WWOX: variants seen among roughly 807,000 people sequenced by gnomAD.
The protein encoded by WWOX is WW domain-containing oxidoreductase.
In WWOX, 69 loss-of-function variants were observed where a neutral mutation model predicts 46.2. The ratio of observed to expected loss-of-function variants is 1.49; its 90% CI spans 1.23 to 1.82. The LOEUF is 1.82. WWOX is among the 40% of genes most tolerant of loss of function. The pLI, the probability that WWOX is intolerant of heterozygous loss-of-function variation, is 0.00. For synonymous variants in WWOX, 359 were observed against 202.6 expected (o/e 1.77, Z -6.56); for missense variants, 919 against 542.6 (o/e 1.69, Z -6.89).
intron 8 of WWOX, among the ~76,000 whole-genome samples, chr16:79,136,189 C>T (rs2049978342): frequency 6.6e-6 from 1 of 151,592 alleles, no homozygotes; most frequent in Non-Finnish European, 1.5e-5. Flanking sequence ...AGGTGAGAGT[C>T]AGGAAAGCCA....
intron 8 of WWOX, among the ~76,000 whole-genome samples, chr16:78,833,267 G>A (rs1457031326): frequency 6.6e-6 from 1 of 152,000 alleles, no homozygotes; most frequent in African/African-American, 2.4e-5. Flanking sequence ...GTCTGGTCTT[G>A]AACTCCTGGC....
intron 8 of WWOX, among the ~76,000 whole-genome samples, chr16:79,210,998 TTA>T (rs2051717608): frequency 6.6e-6 from 1 of 151,518 alleles, no homozygotes; most frequent in African/African-American, 2.4e-5. Flanking sequence ...AATTAATGTG[TTA>T]TGTGTTTGTG....
rs562292198 is a variant in WWOX, at chr16:79,002,122, G to A, written c.1057-209486G>A. On this transcript the variant is annotated intron_variant, in intron 8 of 8. Transcript: ENST00000566780. ...AGTGAAACCTGAATCTCAGCTGGAC[G>A]ATGAATGAGTTTTAATGCAAGTGTA... is the stretch of plus-strand genomic sequence containing the variant. Among the ~76,000 whole-genome samples the A allele has an allele frequency of 8.6e-5, 13 of 151,380 alleles. No homozygotes were observed. In the South Asian group the frequency reaches 1.5e-3, roughly 17 times the overall value.
At chr16:78,472,179 A>G (rs1203357209) in intron 8 of WWOX, among the ~76,000 whole-genome samples, 1 of 152,078 alleles carries the variant, frequency 6.6e-6, no homozygotes, top group Non-Finnish European at 1.5e-5. Context: ...TCAAATTAAA[A>G]CCCCAACCAC....
At chr16:78,146,805 G>T (rs1337372340) in intron 4 of WWOX, among the ~76,000 whole-genome samples, 1 of 152,162 alleles carries the variant, frequency 6.6e-6, no homozygotes. Flanking sequence ...GGTCAAACTC[G>T]CAATGATTCG....
chr16:78,859,240 TA>T (rs1269831704), intron 8 of WWOX, among the ~76,000 whole-genome samples: 3 of 151,342 alleles, frequency 2.0e-5, no homozygotes, highest in Non-Finnish European at 4.4e-5. Flanking sequence ...TTTCCCAGCA[TA>T]AAGCTTGGGC....
At chr16:78,164,901 A>G (rs765189595) in intron 5 of WWOX, among the ~76,000 whole-genome samples, 1 of 152,222 alleles carries the variant, frequency 6.6e-6, no homozygotes, top group Non-Finnish European at 1.5e-5. Context: ...CGTGAGTGTG[A>G]TGGAGTCATC....
At chr16:78,505,927 A>G (rs903283791) in intron 8 of WWOX, among the ~76,000 whole-genome samples, 4 of 152,192 alleles carry the variant, frequency 2.6e-5, no homozygotes, top group African/African-American at 9.7e-5. Flanking sequence ...AGAGAGAAGG[A>G]CCCGGTTGGC....
chr16:79,194,886 C>A (rs2051208299), intron 8 of WWOX, among the ~76,000 whole-genome samples: 1 of 151,994 alleles, frequency 6.6e-6, no homozygotes, highest in African/African-American at 2.4e-5. Context: ...TGCTTTTTTC[C>A]CCCATGCCAT....
intron 6 of WWOX, among the ~76,000 whole-genome samples, chr16:78,389,507 G>T (rs141658056): frequency 1.9e-3 from 289 of 152,308 alleles, no homozygotes; most frequent in Admixed American, 4.3e-3. Flanking sequence ...GGAGTCAGCA[G>T]CTCATTTACT....
At chr16:79,127,683 T>G (rs569078166) in intron 8 of WWOX, among the ~76,000 whole-genome samples, 191 of 152,284 alleles carry the variant, frequency 1.3e-3, no homozygotes, top group African/African-American at 4.5e-3. Context: ...TCATAGATAT[T>G]GCCAAATTGC....
chr16:78,454,345 C>T (rs1249409921), intron 8 of WWOX, among the ~76,000 whole-genome samples: 2 of 96,584 alleles, frequency 2.1e-5, no homozygotes, highest in Non-Finnish European at 3.9e-5. Flanking sequence ...TACATTTATA[C>T]TTATGTATAT....
intron 8 of WWOX, among the ~76,000 whole-genome samples, chr16:79,175,437 G>T (rs1111414): frequency 6.6e-6 from 1 of 152,190 alleles, no homozygotes; most frequent in African/African-American, 2.4e-5. Flanking sequence ...CCACAAAGCT[G>T]TGGCTCTGGT....
chr16:78,321,014 A>T (rs2080455900), intron 5 of WWOX, among the ~76,000 whole-genome samples: 1 of 152,114 alleles, frequency 6.6e-6, no homozygotes, highest in Admixed American at 6.5e-5. Context: ...ATGTACTCAC[A>T]CCTTAACCAA....
chr16:78,943,466 C>T (rs1259541308), intron 8 of WWOX, among the ~76,000 whole-genome samples: 1 of 151,590 alleles, frequency 6.6e-6, no homozygotes, highest in Non-Finnish European at 1.5e-5. Context: ...AGGACCCAGG[C>T]ACATAAACTT....
intron 8 of WWOX, among the ~76,000 whole-genome samples, chr16:78,675,627 C>G (rs553484210): frequency 7.9e-5 from 12 of 152,180 alleles, no homozygotes; most frequent in African/African-American, 2.7e-4. Context: ...TCAGATGTCC[C>G]TGGGCACTAG....
rs1209571284 is a variant in WWOX, at chr16:78,541,439, A to G, written c.1056+108687A>G. 2.8e-4 allele frequency among the ~76,000 whole-genome samples: 33 copies of G among 117,880 alleles called. No homozygotes were observed. The Admixed American group carries it at 4.1e-3, about 15-fold the overall frequency. 77.3% of individuals were successfully genotyped at this position (117,880 alleles called of 152,430 possible). ...CAGTGAGCCGAGAGCCCGCCACTGC[A>G]CTCCAGCCTGGGCGACAGAGCGAGA... On this transcript the variant is annotated intron_variant, in intron 8 of 8. Transcript: ENST00000566780.
intron 8 of WWOX, among the ~76,000 whole-genome samples, chr16:78,722,704 T>TG (rs1280100521): frequency 9.6e-6 from 1 of 103,760 alleles, no homozygotes; most frequent in African/African-American, 3.1e-5. Context: ...CTCTGTTTTT[T>TG]TTTTTTTTTT....
intron 5 of WWOX, among the ~76,000 whole-genome samples, chr16:78,274,464 A>G (rs1409125495): frequency 6.6e-6 from 1 of 152,174 alleles, no homozygotes; most frequent in Non-Finnish European, 1.5e-5. Flanking sequence ...AAATTCCTGA[A>G]TGAGTTAAGC....
Sources: gnomAD v4.1 joint callset for allele counts (sites outside exome capture counted in the v4.1 genomes callset) on GRCh38, gnomAD v4.1.1 for gene constraint, MANE v1.5 for transcripts, NCBI Gene and HGNC (gene_info 2026-07-23, HGNC 2026-07-21) for gene names.